Variants in NOMO1 observed in about 807,000 individuals in gnomAD.
The protein encoded by NOMO1 is nodal modulator 3.
NOMO1 carries 40 observed loss-of-function variants against 133.8 expected under a neutral mutation model. That is an observed-to-expected ratio of 0.30 (90% CI 0.23 to 0.39). The LOEUF is 0.39. NOMO1 is among the 10% of genes least tolerant of loss of function. NOMO1 has a pLI of 1.00. For missense variants in NOMO1, 462 were observed against 1,419.9 expected (o/e 0.33, Z 10.84); for synonymous variants, 236 against 570.5 (o/e 0.41, Z 8.36).
At chr16:14,843,164 C>G (rs1963631049) in intron 3 of NOMO1, among the ~76,000 whole-genome samples, 1 of 135,062 alleles carries the variant, frequency 7.4e-6, no homozygotes, top group Admixed American at 7.7e-5. Context: ...AGTGATCTGC[C>G]CGCTTTGGCC....
At chr16:14,867,772 C>G (rs1964025336) in intron 15 of NOMO1, among the ~76,000 whole-genome samples, 2 of 149,748 alleles carry the variant, frequency 1.3e-5, no homozygotes, top group Non-Finnish European at 3.0e-5. Context: ...ATTACAAAAA[C>G]TCGACAGGTC....
At chr16:14,859,797 G>C (rs1963896068) in intron 11 of NOMO1, among the ~76,000 whole-genome samples, 1 of 152,148 alleles carries the variant, frequency 6.6e-6, no homozygotes, top group Non-Finnish European at 1.5e-5. Context: ...GTGTTGTGCA[G>C]AGAAGAGATC....
intron 26 of NOMO1, among the ~76,000 whole-genome samples, chr16:14,883,508 T>C (rs1964275507): frequency 6.6e-6 from 1 of 151,714 alleles, no homozygotes; most frequent in South Asian, 2.1e-4. Context: ...ATTTTTGTAT[T>C]TTTAGTAGAG....
At chr16:14,879,204 TG>T (rs1964207286) in intron 23 of NOMO1, among the ~76,000 whole-genome samples, 1 of 151,714 alleles carries the variant, frequency 6.6e-6, no homozygotes, top group Admixed American at 6.6e-5. Flanking sequence ...ACATTCCACT[TG>T]GTGGGAAGAG....
intron 15 of NOMO1, 46 bp from the exon 16 acceptor site, chr16:14,868,502 G>T: frequency 6.5e-7 from 1 of 1,546,418 alleles, no homozygotes; most frequent in East Asian, 2.2e-5. Context: ...TCATCTTGGT[G>T]TCTCCATCTC....
chr16:14,865,599 TA>T (rs1282969973), intron 14 of NOMO1, among the ~76,000 whole-genome samples: 1 of 147,412 alleles, frequency 6.8e-6, no homozygotes, highest in African/African-American at 2.6e-5. Context: ...GTAAAGTTTA[TA>T]AAGCCCGTTG....
chr16:14,860,802 C>T lies in NOMO1; in HGVS notation c.1221-2211C>T, dbSNP rs572910133. On this transcript the variant is annotated intron_variant, in intron 11 of 30. Transcript: ENST00000287667. The stretch of plus-strand genomic sequence containing the variant: ...GAAAAATCTCTGTTTTTTAATTGGC[C>T]GACGTAGTACATTTGCCTTTTTAGC... 6.3e-4 allele frequency among the ~76,000 whole-genome samples: 96 copies of T among 152,012 alleles called. 1 individual carries two copies. The highest frequency in any genetic ancestry group is 2.1e-3 in the African/African-American group (88 of 41,404).
At chr16:14,868,713 T>C in intron 16 of NOMO1, 78 bp downstream of exon 16, 1 of 880,024 alleles carries the variant, frequency 1.1e-6, no homozygotes, top group Non-Finnish European at 1.9e-6. Context: ...GGCATTTTTT[T>C]CTACCTTAGT....
At chr16:14,866,387 C>G (rs1597103803) in intron 14 of NOMO1, among the ~76,000 whole-genome samples, 168 bp from the exon 15 acceptor site, 1 of 151,148 alleles carries the variant, frequency 6.6e-6, no homozygotes. Context: ...GTAATTTATT[C>G]CAAATACTGC....
At chr16:14,850,464 G>A (rs2151894778) in intron 6 of NOMO1, among the ~76,000 whole-genome samples, 1 of 150,782 alleles carries the variant, frequency 6.6e-6, no homozygotes, top group East Asian at 2.0e-4. Context: ...TTGTTTGACT[G>A]AAATAGTTTA....
chr16:14,884,945 G>T (rs1221044055), intron 27 of NOMO1, among the ~76,000 whole-genome samples: 1 of 152,034 alleles, frequency 6.6e-6, no homozygotes, highest in Admixed American at 6.5e-5. Context: ...TCTGTAGGTT[G>T]TACAGGAAGC....
At chr16:14,872,777 C>T (rs1345994745) in intron 18 of NOMO1, among the ~76,000 whole-genome samples, 1 of 130,688 alleles carries the variant, frequency 7.7e-6, no homozygotes, top group East Asian at 2.3e-4. Context: ...AAAGGCAAGT[C>T]CCTCACCGAA....
rs577948556 is a variant in NOMO1 at position 14,864,736 on chromosome 16, C to T, written c.1537+10C>T. 3.1e-6 allele frequency: 5 copies of T among 1,613,558 alleles called. No individual in the cohort carries two copies. In the African/African-American group the frequency reaches 4.0e-5, roughly 13 times the overall value. On this transcript the variant is annotated intron_variant, in intron 13 of 30. Transcript: ENST00000287667. ...AAAGTCTCTTGTTTGGGTAAGATAT[C>T]ACTGGAAAGTAAGAACACATAGTTT...
At chr16:14,868,453 C>G in intron 15 of NOMO1, 95 bp from the exon 16 acceptor site, 2 of 728,748 alleles carry the variant, frequency 2.7e-6, no homozygotes, top group South Asian at 3.1e-5. Context: ...GATTAATGGG[C>G]AAAACAGATG....
Position 14,879,887 on chromosome 16 carries a change from C to G in NOMO1, c.2758-128C>G. 8.8e-6 allele frequency: 14 copies of G among 1,595,262 alleles called. 1 individual carries two copies. In the South Asian group the frequency reaches 1.6e-4, roughly 18 times the overall value. ...AGTGGTGATTATAGAGAGAGGGTTACTATTTCTGGCTGCCAGGGAAGCCAT... is the reference window on the plus strand; with the variant it reads ...AGTGGTGATTATAGAGAGAGGGTTAGTATTTCTGGCTGCCAGGGAAGCCAT... On this transcript the variant is annotated intron_variant, in intron 23 of 30. Transcript: ENST00000287667.
intron 9 of NOMO1, among the ~76,000 whole-genome samples, chr16:14,856,996 G>A (rs1963848727): frequency 6.6e-6 from 1 of 152,052 alleles, no homozygotes; most frequent in Non-Finnish European, 1.5e-5. Flanking sequence ...AGACTTTTCT[G>A]TTGTTTGACA....
intron 15 of NOMO1, among the ~76,000 whole-genome samples, chr16:14,868,313 A>G (rs1368014872): frequency 8.4e-6 from 1 of 119,434 alleles, no homozygotes; most frequent in Non-Finnish European, 1.7e-5. Context: ...CATGACTCCC[A>G]AGGCCCAGCC....
chr16:14,889,100 A>G lies in NOMO1; in HGVS notation c.3329A>G (p.Tyr1110Cys), dbSNP rs373427757. The G allele has an allele frequency of 1.1e-5, 17 of 1,611,672 alleles. No individual in the cohort carries two copies. The African/African-American group carries it at 1.5e-4, about 14-fold the overall frequency. Residue 1110 changes from tyrosine to cysteine, a missense_variant, in exon 29 of 31, where the codon TAT becomes TGT. By Grantham distance (194) the Tyr-to-Cys change is radical. Coordinates refer to ENST00000287667, the MANE Select transcript of NOMO1 (RefSeq NM_014287.4). ...FPPLLRDGENYVVLLDSTLPR... is the reference protein window; with the variant it reads ...FPPLLRDGENCVVLLDSTLPR... ...CTTCTTCCCATGTGTGCACAGAACT[A>G]TGTTGTGCTTCTGGACTCCACACTC...
chr16:14,875,006 A>T, intron 18 of NOMO1, 30 bp from the exon 19 acceptor site: 1 of 1,613,758 alleles, frequency 6.2e-7, no homozygotes. Flanking sequence ...AGGATACGCA[A>T]CTATGTCCTA....
Sources: gnomAD v4.1 joint callset for allele counts (sites outside exome capture counted in the v4.1 genomes callset) on GRCh38, gnomAD v4.1.1 for gene constraint, MANE v1.5 for transcripts, NCBI Gene and HGNC (gene_info 2026-07-23, HGNC 2026-07-21) for gene names.